Variants in TPPP observed in about 807,000 individuals in gnomAD.
The protein encoded by TPPP is tubulin polymerization promoting protein, also known as tubulin polymerization-promoting protein.
A neutral mutation model predicts 15.5 loss-of-function variants in TPPP; 6 were observed. The observed-to-expected ratio is 0.39, with a 90% CI of 0.21 to 0.77. The LOEUF is 0.77. Ranked by LOEUF, TPPP falls within the 30% of genes least tolerant of loss-of-function variation. The probability of loss-of-function intolerance (pLI) is 0.42; values close to 1 mark genes in which losing one functional copy is unlikely to be tolerated. For synonymous variants in TPPP, 146 were observed against 133.9 expected, an observed-to-expected ratio of 1.09 and a Z score of -0.63; for missense variants, 269 against 307.2, an observed-to-expected ratio of 0.88 and a Z score of 0.93.
chr5:687,300 C>T (rs60921567), intron 1 of TPPP, among the ~76,000 whole-genome samples: 1,773 of 135,496 alleles, frequency 0.013, 1 homozygote, highest in African/African-American at 0.046. Context: ...AGTGACACAG[C>T]GGGTGGGACC....
chr5:668,208 G>A (rs1740018171), intron 2 of TPPP, among the ~76,000 whole-genome samples: 1 of 116,720 alleles, frequency 8.6e-6, no homozygotes, highest in Non-Finnish European at 1.8e-5. Context: ...GGGAAGTACC[G>A]ACAAGCACAC....
At chr5:697,368 C>T (rs1483496288), upstream of TPPP, among the ~76,000 whole-genome samples, 9 of 148,200 alleles carry the variant, frequency 6.1e-5, 1 homozygote, top group South Asian at 4.4e-4. Context: ...GTTCCACAGC[C>T]GATGTTAGGG....
At chr5:675,345 G>T (rs1456416259) in intron 2 of TPPP, among the ~76,000 whole-genome samples, 1 of 96,758 alleles carries the variant, frequency 1.0e-5, no homozygotes, top group African/African-American at 4.1e-5. Flanking sequence ...GTGGCTGGGG[G>T]TGCAGTGTGG....
At chr5:666,237 C>T (rs1739908056) in intron 2 of TPPP, 114 bp from the exon 3 acceptor site, 1 of 1,291,530 alleles carries the variant, frequency 7.7e-7, no homozygotes, top group South Asian at 1.4e-5. Context: ...ACAGGCTTCA[C>T]CCACAGGCGG....
At chr5:665,345 A>T in intron 3 of TPPP, 49 bp from the exon 4 acceptor site, 1 of 1,550,462 alleles carries the variant, frequency 6.4e-7, no homozygotes, top group Non-Finnish European at 8.7e-7. Flanking sequence ...GAGCCAGGTG[A>T]GGCCAGCAAG....
intron 2 of TPPP, among the ~76,000 whole-genome samples, chr5:675,037 GGGGT>G: frequency 2.0e-5 from 2 of 99,316 alleles, no homozygotes; most frequent in Admixed American, 9.5e-5. Flanking sequence ...AGCAGTGAGG[GGGGT>G]ACAGTATGGC....
In TPPP at chr5:667,871, G is replaced by A. The variant is rs552796589; in HGVS notation, c.312-1748C>T. Among the ~76,000 whole-genome samples the A allele has an allele frequency of 1.9e-3, 218 of 116,266 alleles. 1 individual carries two copies. Among genetic ancestry groups the A allele is most frequent in the Non-Finnish European group, 2.4e-3 (137 of 57,380 alleles). The allele number at this position is 116,266 out of a possible 152,430, so 76.3% of individuals were successfully genotyped here. A position where few individuals can be genotyped will look rare whatever the true frequency, so the allele number is the denominator to read the frequency against. ...GCGTGGGCGCCGTCAGGGAAGTACC[G>A]ACAAGCACACAGAGAGGGGGCCGTG... On this transcript the variant is annotated intron_variant, in intron 2 of 3. Coordinates refer to ENST00000360578, the MANE Select transcript of TPPP (RefSeq NM_007030.3).
upstream of TPPP, among the ~76,000 whole-genome samples, chr5:694,508 G>T (rs72502106): frequency 1.3e-3 from 144 of 112,426 alleles, no homozygotes; most frequent in African/African-American, 3.9e-3. Flanking sequence ...TGGGCAGGGG[G>T]TGCTGAGGCC....
intron 2 of TPPP, among the ~76,000 whole-genome samples, chr5:672,210 C>CG (rs1056039992): frequency 1.2e-4 from 18 of 152,176 alleles, no homozygotes; most frequent in East Asian, 1.9e-4. Context: ...GCCGGCTGGC[C>CG]GGGGGGGTGT....
At chr5:686,490 C>T (rs559176454) in intron 1 of TPPP, among the ~76,000 whole-genome samples, 14 of 151,120 alleles carry the variant, frequency 9.3e-5, no homozygotes, top group East Asian at 3.9e-4. Context: ...TGCCCTGCCC[C>T]GCCCCAGCCC....
At chr5:693,770 TG>T (rs1740964263), upstream of TPPP, among the ~76,000 whole-genome samples, 1 of 141,306 alleles carries the variant, frequency 7.1e-6, no homozygotes, top group South Asian at 2.3e-4. Flanking sequence ...TGGGGTGGGG[TG>T]GGTTGGCGGC....
At chr5:666,814 G>T (rs1739936145) in intron 2 of TPPP, 3 of 152,198 alleles carry the variant, frequency 2.0e-5, no homozygotes, top group African/African-American at 7.2e-5. Flanking sequence ...ACTGACTCTT[G>T]GTTTTTATAT....
At chr5:699,469 C>G in the TPPP span, among the ~76,000 whole-genome samples, 1 of 151,714 alleles carries the variant, frequency 6.6e-6, no homozygotes, top group African/African-American at 2.4e-5. Flanking sequence ...AAAGTTAACT[C>G]AAGAGGGATT....
At chr5:669,866 A>C (rs1304626240) in intron 2 of TPPP, among the ~76,000 whole-genome samples, 1 of 151,914 alleles carries the variant, frequency 6.6e-6, no homozygotes, top group Non-Finnish European at 1.5e-5. Context: ...TTCCCCAGAG[A>C]CACTCAGTCT....
At chr5:685,756 A>G (rs1322046220) in intron 1 of TPPP, among the ~76,000 whole-genome samples, 2 of 152,120 alleles carry the variant, frequency 1.3e-5, no homozygotes, top group Non-Finnish European at 2.9e-5. Flanking sequence ...CACTCTGGGG[A>G]CGGCCACCAG....
At chr5:675,215 G>T (rs2126894556) in intron 2 of TPPP, among the ~76,000 whole-genome samples, 1 of 92,680 alleles carries the variant, frequency 1.1e-5, no homozygotes. Flanking sequence ...AGTGTAGCCG[G>T]GGGTGCAGTG....
chr5:684,664 G>T (rs552964108), intron 1 of TPPP, among the ~76,000 whole-genome samples: 1 of 152,236 alleles, frequency 6.6e-6, no homozygotes, highest in South Asian at 2.1e-4. Flanking sequence ...GGTGGCTCAG[G>T]TCCTGCCATG....
chr5:683,825 C>A (rs1196431254), intron 1 of TPPP, among the ~76,000 whole-genome samples: 1 of 152,274 alleles, frequency 6.6e-6, no homozygotes, highest in Non-Finnish European at 1.5e-5. Flanking sequence ...TGCTGGGCAA[C>A]CTTGGCGGTC....
Position 667,581 on chromosome 5 carries a change from C to T in TPPP, c.312-1458G>A, listed in dbSNP as rs374703729. On this transcript the variant is annotated intron_variant, in intron 2 of 3. Transcript: ENST00000360578. ...ATGAACTAGACTTCATCAAAACGTT[C>T]GAAACTCTGCTCTCAGAAGACACCG... Among the ~76,000 whole-genome samples the T allele has an allele frequency of 1.1e-4, 17 of 151,792 alleles. No homozygotes were observed. The East Asian group carries it at 2.3e-3, about 21-fold the overall frequency.
Sources: gnomAD v4.1 joint callset for allele counts (sites outside exome capture counted in the v4.1 genomes callset) on GRCh38, gnomAD v4.1.1 for gene constraint, MANE v1.5 for transcripts, NCBI Gene and HGNC (gene_info 2026-07-23, HGNC 2026-07-21) for gene names.